Variants in TERB1 observed in about 807,000 individuals in gnomAD.
TERB1 encodes telomere repeats-binding bouquet formation protein 1.
TERB1 carries 63 observed loss-of-function variants against 92.3 expected under a neutral mutation model. The ratio of observed to expected loss-of-function variants is 0.68; its 90% CI spans 0.56 to 0.84. The LOEUF is 0.84. Ranked by LOEUF, TERB1 falls within the 40% of genes least tolerant of loss-of-function variation. The pLI is 0.00. For missense variants in TERB1, 709 were observed against 843.7 expected, an observed-to-expected ratio of 0.84 and a Z score of 1.98; for synonymous variants, 252 against 283.9, an observed-to-expected ratio of 0.89 and a Z score of 1.13.
chr16:66,761,322 G>A (rs1480853053), intron 16 of TERB1, among the ~76,000 whole-genome samples: 1 of 151,028 alleles, frequency 6.6e-6, no homozygotes, highest in African/African-American at 2.4e-5. Context: ...CATGACGGCA[G>A]GTGCCTGTAA....
intron 3 of TERB1, among the ~76,000 whole-genome samples, chr16:66,795,307 A>G (rs2018911132): frequency 6.6e-6 from 1 of 152,174 alleles, no homozygotes; most frequent in Non-Finnish European, 1.5e-5. Context: ...TGATGGATAA[A>G]TACTCTTCAC....
At chr16:66,768,257 G>A (rs200870829) in intron 14 of TERB1, 89 bp from the exon 15 acceptor site, 36 of 1,083,710 alleles carry the variant, frequency 3.3e-5, no homozygotes, top group Admixed American at 2.2e-4. Context: ...TGTGATTTTC[G>A]GTGTTTGGTG....
chr16:66,800,593 CA>C (rs912243677), intron 2 of TERB1, among the ~76,000 whole-genome samples: 2 of 151,706 alleles, frequency 1.3e-5, no homozygotes, highest in African/African-American at 4.8e-5. Context: ...CCCAGTATAT[CA>C]GAAAGATAAA....
intron 3 of TERB1, among the ~76,000 whole-genome samples, chr16:66,791,789 A>G (rs955176918): frequency 1.3e-5 from 2 of 152,196 alleles, no homozygotes; most frequent in Non-Finnish European, 2.9e-5. Context: ...AAGAAGTTGA[A>G]TTAAGAGTTA....
chr16:66,790,883 G>A (rs1230229729), intron 4 of TERB1, 26 bp downstream of exon 4: 2 of 1,477,420 alleles, frequency 1.4e-6, no homozygotes, highest in Middle Eastern at 1.7e-4. Context: ...TAGAATCACA[G>A]ATAAAAATTC....
At chr16:66,776,050 C>T (rs1338485766) in intron 11 of TERB1, among the ~76,000 whole-genome samples, 1 of 151,956 alleles carries the variant, frequency 6.6e-6, no homozygotes, top group Admixed American at 6.6e-5. Context: ...TCACTTAAGG[C>T]CGGGCTCGGT....
chr16:66,789,335 A>G (rs867604689), intron 5 of TERB1, among the ~76,000 whole-genome samples: 2 of 104,038 alleles, frequency 1.9e-5, no homozygotes, highest in Non-Finnish European at 3.7e-5. Context: ...CTGTAATCCC[A>G]GCACTTTGGG....
Position 66,788,069 on chromosome 16 carries a change from C to T in TERB1, c.400+100G>A, listed in dbSNP as rs1206611850. 7 of 1,025,704 alleles carry T rather than the reference C, an allele frequency of 6.8e-6. No individual in the cohort carries two copies. In the African/African-American group the frequency reaches 1.0e-4, roughly 15 times the overall value. 63.5% of individuals were successfully genotyped at this position (1,025,704 alleles called of 1,614,324 possible). On this transcript the variant is annotated intron_variant, in intron 6 of 18. Coordinates refer to ENST00000433154, the MANE Select transcript of TERB1 (RefSeq NM_001136505.2). ...GAGCAAGACTCTGTCTCCAAAAACACAAAAAAACAAAACTGATATAAGAAC... is the reference window on the plus strand; with the variant it reads ...GAGCAAGACTCTGTCTCCAAAAACATAAAAAAACAAAACTGATATAAGAAC...
rs2018381866 is a variant in TERB1 at position 66,768,137 on chromosome 16, C to A, written c.1651G>T (p.Ala551Ser). 1 of 1,550,516 alleles carries A rather than the reference C, an allele frequency of 6.4e-7. No individual in the cohort carries two copies. Among genetic ancestry groups the A allele is most frequent in the African/African-American group, 1.4e-5 (1 of 72,976 alleles). Residue 551 changes from alanine (A) to serine (S), a missense_variant, in exon 15 of 19, where the codon GCC (alanine) becomes TCC (serine). Physicochemically the swap from Ala to Ser is moderately conservative, Grantham distance 99. Transcript: ENST00000433154. Reference sequence around the variant, plus strand: ...GGTAACTGCTGCTTTATATTTTTGGCAATGTGAACTGGGTGTTTAAAAACA... The same window carrying A: ...GGTAACTGCTGCTTTATATTTTTGGAAATGTGAACTGGGTGTTTAAAAACA... ...DHVFKHPVHI[A>S]KNIKQQLPVT...
chr16:66,774,776 G>A (rs1256872914), intron 12 of TERB1, among the ~76,000 whole-genome samples: 1 of 151,168 alleles, frequency 6.6e-6, no homozygotes, highest in Non-Finnish European at 1.5e-5. Context: ...CTCGACCTGA[G>A]CAACTCCTGA....
chr16:66,799,272 G>A (rs1959218911), intron 2 of TERB1, among the ~76,000 whole-genome samples: 1 of 152,070 alleles, frequency 6.6e-6, no homozygotes, highest in African/African-American at 2.4e-5. Context: ...CTGTTGCCCA[G>A]GCTGGAGTGC....
rs57620654 is a variant in TERB1 at position 66,771,638 on chromosome 16, T to TACAC, written c.1272+947_1272+950dup. 5.6e-3 allele frequency among the ~76,000 whole-genome samples: 805 copies of TACAC among 143,082 alleles called. 3 individuals are homozygous for TACAC. Among genetic ancestry groups the TACAC allele is most frequent in the Middle Eastern group, 0.014 (4 of 280 alleles). The allele number at this position is 143,082 out of a possible 152,430, so 93.9% of individuals were successfully genotyped here. A position where few individuals can be genotyped will look rare whatever the true frequency, so the allele number is the denominator to read the frequency against. ...ATATCTCATTAAAGCTGTTACAGAA[T>TACAC]ACACACACACACACACACACACACA... On this transcript the variant is annotated intron_variant, in intron 13 of 18. Coordinates refer to ENST00000433154, the MANE Select transcript of TERB1 (RefSeq NM_001136505.2).
chr16:66,775,128 G>C lies in TERB1; in HGVS notation c.1101C>G (p.Cys367Trp). 6.4e-7 allele frequency: 1 copy of C among 1,550,590 alleles called. No homozygotes were observed. The change falls in exon 12 of 19, where the codon TGC (cysteine) becomes TGG (tryptophan). Residue 367 changes from cysteine to tryptophan, a missense_variant. Cys to Trp is a radical substitution (Grantham distance 215). Transcript: ENST00000433154. Reference sequence around the variant, plus strand: ...TAATAGTACACTTACTAATTTTTTTGCAGTTGTGAAGCACAAATGTGGCAG... The same window carrying C: ...TAATAGTACACTTACTAATTTTTTTCCAGTTGTGAAGCACAAATGTGGCAG... Reference protein sequence around the residue: ...NKAATFVLHNCKKITEKLSLS... With the variant: ...NKAATFVLHNWKKITEKLSLS...
In TERB1 at chr16:66,785,701, T is replaced by C. The variant is rs1424600667; in HGVS notation, c.700+85A>G. The C allele has an allele frequency of 3.8e-6, 5 of 1,319,260 alleles. No homozygotes were observed. The Admixed American group carries it at 1.5e-4, about 40-fold the overall frequency. The allele number at this position is 1,319,260 out of a possible 1,614,324, so 81.7% of individuals were successfully genotyped here. A position where few individuals can be genotyped will look rare whatever the true frequency, so the allele number is the denominator to read the frequency against. On this transcript the variant is annotated intron_variant, in intron 9 of 18. Coordinates refer to ENST00000433154, the MANE Select transcript of TERB1 (RefSeq NM_001136505.2). ...AATAACCCAAATTACAAGAATTCAA[T>C]TGATTCAATAATAAATTCAATCGTT... is the stretch of plus-strand genomic sequence containing the variant.
chr16:66,766,453 C>T (rs890308284), intron 16 of TERB1, among the ~76,000 whole-genome samples: 11 of 151,746 alleles, frequency 7.2e-5, no homozygotes, highest in African/African-American at 1.5e-4. Flanking sequence ...GAGGAAATAC[C>T]GGGGTGTGAA....
chr16:66,770,922 C>G (rs1156932122), intron 13 of TERB1, among the ~76,000 whole-genome samples: 2 of 152,086 alleles, frequency 1.3e-5, no homozygotes, highest in African/African-American at 4.8e-5. Flanking sequence ...ATGATCACAG[C>G]TCACTGCAGC....
intron 12 of TERB1, among the ~76,000 whole-genome samples, chr16:66,774,215 T>A (rs1460076270): frequency 1.5e-5 from 2 of 132,176 alleles, no homozygotes; most frequent in Non-Finnish European, 3.1e-5. Flanking sequence ...AGACAGAGTC[T>A]TGCTCCGTCG....
At chr16:66,782,549 CAA>C (rs1021881453) in intron 9 of TERB1, among the ~76,000 whole-genome samples, 46 of 78,896 alleles carry the variant, frequency 5.8e-4, no homozygotes, top group Admixed American at 8.3e-4. Flanking sequence ...AATTCTGTCT[CAA>C]AAAAAAAAAA....
intron 3 of TERB1, among the ~76,000 whole-genome samples, chr16:66,791,835 G>A (rs1276043518): frequency 6.6e-6 from 1 of 151,902 alleles, no homozygotes; most frequent in Admixed American, 6.6e-5. Flanking sequence ...AGGTTCAGAT[G>A]GTTTCATCTG....
Sources: allele counts gnomAD v4.1 joint callset (sites outside exome capture counted in the v4.1 genomes callset), GRCh38; gene constraint gnomAD v4.1.1; transcripts MANE v1.5; gene names NCBI Gene and HGNC (gene_info 2026-07-23, HGNC 2026-07-21).